LAMP2: variants seen among roughly 807,000 people sequenced by gnomAD.
The protein encoded by LAMP2 is lysosome associated membrane protein 2.
Under a neutral mutation model 25.6 loss-of-function variants are expected in LAMP2, and 4 were observed. That is an observed-to-expected ratio of 0.16 (90% CI 0.08 to 0.36). The LOEUF is 0.36. Among genes scored for constraint, LAMP2 ranks in the 10% least tolerant of loss-of-function variants. LAMP2 has a pLI of 1.00. For missense variants in LAMP2, 272 were observed against 301.4 expected, an observed-to-expected ratio of 0.90 and a Z score of 0.72; for synonymous variants, 108 against 112.7, an observed-to-expected ratio of 0.96 and a Z score of 0.27.
intron 3 of LAMP2, among the ~76,000 whole-genome samples, chrX:120,454,848 T>G (rs2058637243): frequency 9.8e-6 from 1 of 102,466 alleles, no homozygotes; most frequent in Non-Finnish European, 2.0e-5. Context: ...TGTTAAGAAT[T>G]AAGTGAGATG....
At chrX:120,445,848 G>GT (rs1304803324) in intron 6 of LAMP2, among the ~76,000 whole-genome samples, 1 of 112,000 alleles carries the variant, frequency 8.9e-6, no homozygotes, top group Non-Finnish European at 1.9e-5. Flanking sequence ...TTTGTACATA[G>GT]TAAGTACTCA....
intron 1 of LAMP2, among the ~76,000 whole-genome samples, chrX:120,461,736 G>C (rs1410710784): frequency 2.7e-5 from 3 of 111,840 alleles, no homozygotes; most frequent in Non-Finnish European, 5.6e-5. Flanking sequence ...ATGCATATTA[G>C]ATTTTCAATA....
At position 120,458,530 on chromosome X, in the gene LAMP2, GGC is replaced by G. The variant is rs1921197417; in HGVS notation, c.65-1763_65-1762del. Among the ~76,000 whole-genome samples, 4 of 111,532 alleles carry G rather than the reference GGC, an allele frequency of 3.6e-5. No individual in the cohort carries two copies. In the South Asian group the frequency reaches 1.5e-3, roughly 42 times the overall value. On this transcript the variant is annotated intron_variant, in intron 1 of 8. Coordinates refer to ENST00000200639, the MANE Select transcript of LAMP2 (RefSeq NM_002294.3). ...AGCTGAGAAACACCCTGAGGGTTCT[GGC>G]ACACTCTGTTCCATTCCCTTCACAG...
intron 8 of LAMP2, chrX:120,438,751 A>C: frequency 1.2e-6 from 1 of 809,531 alleles, no homozygotes; most frequent in Non-Finnish European, 1.5e-6. Context: ...AAAAGGAGCA[A>C]GTACAAATCC....
chrX:120,451,657 G>T (rs753615996), intron 3 of LAMP2, among the ~76,000 whole-genome samples: 1 of 110,843 alleles, frequency 9.0e-6, no homozygotes, highest in South Asian at 3.8e-4. Flanking sequence ...GTAGAGACAG[G>T]GTTTCACCAT....
intron 3 of LAMP2, among the ~76,000 whole-genome samples, chrX:120,450,936 A>T (rs2058618557): frequency 9.2e-6 from 1 of 108,227 alleles, no homozygotes; most frequent in Non-Finnish European, 1.9e-5. Context: ...TATATATATA[A>T]TTTTTTTTTG....
intron 3 of LAMP2, 71 bp downstream of exon 3, chrX:120,455,286 T>TTAAAATTGTTTACATTTTTATCATTAA: frequency 1.1e-6 from 1 of 897,885 alleles, no homozygotes; most frequent in Non-Finnish European, 1.6e-6. Flanking sequence ...CATAACAATT[T>TTAAAATTGTTTACATTTTTATCATTAA]TAAAATTGTT....
Position 120,430,961 on chromosome X carries a change from T to C in LAMP2, c.*362A>G. 1.2e-6 allele frequency: 1 copy of C among 824,737 alleles called. No individual in the cohort carries two copies. The highest frequency in any genetic ancestry group is 1.5e-6 in the Non-Finnish European group (1 of 681,096). The allele number at this position is 824,737 out of a possible 1,213,427, so 68.0% of individuals were successfully genotyped here. ...CCAGTAGTGAAATGACATTTATTAA[T>C]TCCATTAAGACACAACTACATATTT... On this transcript the variant is annotated 3_prime_UTR_variant, in exon 9 of 9. Coordinates refer to ENST00000200639, the MANE Select transcript of LAMP2 (RefSeq NM_002294.3).
At position 120,455,440 on chromosome X, in the gene LAMP2, G is replaced by A; in HGVS notation, c.314C>T (p.Ala105Val). ...GFSWIANFTKAASTYSIDSVS... is the reference protein window; with the variant it reads ...GFSWIANFTKVASTYSIDSVS... ...GCTGTCAATTGAATAAGTAGATGCT[G>A]CCTTGGTAAAATTCGCAATCCAGGA... The change falls in exon 3 of 9, where the codon GCA (alanine) becomes GTA (valine). Residue 105 changes from alanine (A) to valine (V), a missense_variant. By Grantham distance (64) the Ala-to-Val change is moderately conservative. Transcript: ENST00000200639. The A allele has an allele frequency of 8.3e-7, 1 of 1,210,372 alleles. No homozygotes were observed. Among genetic ancestry groups the A allele is most frequent in the Non-Finnish European group, 1.1e-6 (1 of 894,436 alleles).
At chrX:120,461,121 T>C (rs1386876486) in intron 1 of LAMP2, among the ~76,000 whole-genome samples, 1 of 112,252 alleles carries the variant, frequency 8.9e-6, no homozygotes, top group African/African-American at 3.2e-5. Context: ...GGAATGAAAC[T>C]GTGGGGCCAA....
In LAMP2 at chrX:120,431,299, A is replaced by G. The variant is rs753374435; in HGVS notation, c.*24T>C. On this transcript the variant is annotated 3_prime_UTR_variant, in exon 9 of 9. Coordinates refer to ENST00000200639, the MANE Select transcript of LAMP2 (RefSeq NM_002294.3). Reference sequence around the variant, plus strand: ...AATCTTGTTATTTGCATGTATTTTTATATAATCAATCAGGTTGCAGATTCT... The same window carrying G: ...AATCTTGTTATTTGCATGTATTTTTGTATAATCAATCAGGTTGCAGATTCT... 1 of 1,209,971 alleles carries G rather than the reference A, an allele frequency of 8.3e-7. No individual in the cohort carries two copies. The highest frequency in any genetic ancestry group is 3.0e-5 in the East Asian group (1 of 33,847).
At chrX:120,452,499 C>T (rs1202553648) in intron 3 of LAMP2, among the ~76,000 whole-genome samples, 1 of 111,619 alleles carries the variant, frequency 9.0e-6, no homozygotes, top group Non-Finnish European at 1.9e-5. Flanking sequence ...CTAATCAGGA[C>T]CACTTGTGGG....
rs140499497 is a variant in LAMP2, at chrX:120,429,998, A to G, written c.*1325T>C. Reference sequence around the variant, plus strand: ...GTTCTGAGTACACAACACTCATCTCAGTAACCACACATTAGCCTATGCTGA... The same window carrying G: ...GTTCTGAGTACACAACACTCATCTCGGTAACCACACATTAGCCTATGCTGA... On this transcript the variant is annotated 3_prime_UTR_variant, in exon 9 of 9. Coordinates refer to ENST00000200639, the MANE Select transcript of LAMP2 (RefSeq NM_002294.3). The G allele has an allele frequency of 7.1e-4, 536 of 752,956 alleles. 5 individuals are homozygous for G. The African/African-American group carries it at 0.011, about 16-fold the overall frequency. 62.1% of individuals were successfully genotyped at this position (752,956 alleles called of 1,213,427 possible).
intron 3 of LAMP2, among the ~76,000 whole-genome samples, chrX:120,452,698 C>G (rs961720333): frequency 9.6e-6 from 1 of 103,849 alleles, no homozygotes; most frequent in Non-Finnish European, 2.0e-5. Flanking sequence ...CACAGGCACA[C>G]GCCACCACAC....
chrX:120,448,491 C>T (rs2058608148), intron 4 of LAMP2, among the ~76,000 whole-genome samples: 1 of 112,662 alleles, frequency 8.9e-6, no homozygotes, highest in African/African-American at 3.2e-5. Context: ...TTGCATTAGC[C>T]CTATGGCAAA....
At chrX:120,442,704 T>A (rs1415244076) in intron 6 of LAMP2, 42 bp from the exon 7 acceptor site, 1 of 1,000,244 alleles carries the variant, frequency 1.0e-6, no homozygotes, top group Admixed American at 2.2e-5. Context: ...ATTTCACAAC[T>A]GTCTACAGAT....
In LAMP2 at chrX:120,444,811, C is replaced by T. The variant is rs112704708; in HGVS notation, c.864+1494G>A. 4.7e-3 allele frequency among the ~76,000 whole-genome samples: 524 copies of T among 111,875 alleles called. 3 individuals are homozygous for T. Among genetic ancestry groups the T allele is most frequent in the African/African-American group, 0.016 (500 of 30,784 alleles). On this transcript the variant is annotated intron_variant, in intron 6 of 8. Transcript: ENST00000200639. The stretch of plus-strand genomic sequence containing the variant: ...CTCCATAACCCACCATAGCAGCCTG[C>T]ACATAACGCACTCGAATTCTATAAA...
intron 1 of LAMP2, among the ~76,000 whole-genome samples, chrX:120,467,919 C>T (rs1266892869): frequency 4.5e-5 from 5 of 111,305 alleles, no homozygotes; most frequent in Admixed American, 2.9e-4. Flanking sequence ...TGTGCCACGA[C>T]GCCCGGCTAA....
Position 120,469,292 on chromosome X carries a change from A to AT in LAMP2, c.-124_-123insA. 5 of 689,887 alleles carry AT rather than the reference A, an allele frequency of 7.2e-6. No individual in the cohort carries two copies. The South Asian group carries it at 1.2e-4, about 16-fold the overall frequency. 56.9% of individuals were successfully genotyped at this position (689,887 alleles called of 1,213,427 possible). On this transcript the variant is annotated 5_prime_UTR_variant, in exon 1 of 9. Coordinates refer to ENST00000200639, the MANE Select transcript of LAMP2 (RefSeq NM_002294.3). ...GATGACCACCGACCACAGCCTTGCA[A>AT]AAGCCAGGAATCGGCGCTTCAGTGC... is the stretch of plus-strand genomic sequence containing the variant.
Sources: allele counts gnomAD v4.1 joint callset (sites outside exome capture counted in the v4.1 genomes callset), GRCh38; gene constraint gnomAD v4.1.1; transcripts MANE v1.5; gene names NCBI Gene and HGNC (gene_info 2026-07-23, HGNC 2026-07-21).